The following CLASP1 variants were observed in gnomAD, a reference collection of about 807,000 sequenced individuals.
The protein encoded by CLASP1 is cytoplasmic linker associated protein 1.
A neutral mutation model predicts 192.3 loss-of-function variants in CLASP1; 38 were observed. The ratio of observed to expected loss-of-function variants is 0.20; its 90% CI spans 0.15 to 0.26. CLASP1 has a LOEUF of 0.26. Among genes scored for constraint, CLASP1 ranks in the 10% least tolerant of loss-of-function variants. The pLI is 1.00. For missense variants in CLASP1, 1,433 were observed against 1,932.5 expected (o/e 0.74, Z 4.85); for synonymous variants, 691 against 712.8 (o/e 0.97, Z 0.49).
intron 32 of CLASP1, among the ~76,000 whole-genome samples, chr2:121,386,081 T>C (rs1007128334): frequency 1.3e-5 from 2 of 152,212 alleles, no homozygotes; most frequent in Non-Finnish European, 1.5e-5. Flanking sequence ...ACAAATTTCT[T>C]ATGTTCCAAA....
At chr2:121,623,480 G>C (rs2067747116) in intron 1 of CLASP1, among the ~76,000 whole-genome samples, 1 of 152,208 alleles carries the variant, frequency 6.6e-6, no homozygotes, top group African/African-American at 2.4e-5. Context: ...AAAGAATACT[G>C]TTCTGTAGTT....
chr2:121,401,732 T>C, intron 27 of CLASP1, 60 bp from the exon 29 acceptor site: 1 of 1,424,534 alleles, frequency 7.0e-7, no homozygotes, highest in South Asian at 1.2e-5. Context: ...CTCCAAAGTC[T>C]ACAAAACATT....
rs548020000 is a variant in CLASP1, at chr2:121,492,503, C to T, written c.712+10664G>A. Among the ~76,000 whole-genome samples the T allele has an allele frequency of 1.8e-4, 27 of 150,472 alleles. No homozygotes were observed. In the South Asian group the frequency reaches 4.4e-3, roughly 25 times the overall value. The stretch of plus-strand genomic sequence containing the variant: ...TTCAACAACAAAAAGATAAACAATT[C>T]GATTTTTAAGTGGACAAAGGATTTG... On this transcript the variant is annotated intron_variant, in intron 8 of 39. Coordinates refer to ENST00000263710, the Ensembl canonical transcript of CLASP1.
intron 2 of CLASP1, among the ~76,000 whole-genome samples, chr2:121,592,946 TA>T (rs1270817852): frequency 1.3e-5 from 2 of 152,172 alleles, no homozygotes; most frequent in African/African-American, 4.8e-5. Flanking sequence ...ACGCCCGGCC[TA>T]ATAACTGTTT....
At chr2:121,596,835 C>T (rs1418644579) in intron 2 of CLASP1, among the ~76,000 whole-genome samples, 1 of 152,228 alleles carries the variant, frequency 6.6e-6, no homozygotes, top group African/African-American at 2.4e-5. Flanking sequence ...CAATTTAGCA[C>T]TGACTTATTT....
intron 26 of CLASP1, among the ~76,000 whole-genome samples, chr2:121,402,200 C>T (rs768140027): frequency 1.3e-5 from 2 of 152,190 alleles, no homozygotes; most frequent in Non-Finnish European, 2.9e-5. Context: ...TATTGTGTAG[C>T]TATTGCTTTT....
chr2:121,429,289 G>A (rs913261667), intron 20 of CLASP1, among the ~76,000 whole-genome samples: 1 of 152,164 alleles, frequency 6.6e-6, no homozygotes, highest in African/African-American at 2.4e-5. Context: ...GCTAGTGAGT[G>A]CTGTGCTGTG....
chr2:121,526,634 T>C (rs1177698458), intron 5 of CLASP1, among the ~76,000 whole-genome samples: 2 of 152,292 alleles, frequency 1.3e-5, no homozygotes, highest in South Asian at 2.1e-4. Context: ...CATATTAAGA[T>C]GGAAAAAATT....
chr2:121,531,458 G>C (rs895061595), intron 2 of CLASP1, among the ~76,000 whole-genome samples: 1 of 151,698 alleles, frequency 6.6e-6, no homozygotes, highest in Non-Finnish European at 1.5e-5. Context: ...AGCCGGGCGA[G>C]GTGGCCGGCG....
chr2:121,466,419 G>C (rs1575131811), intron 9 of CLASP1, among the ~76,000 whole-genome samples: 1 of 152,142 alleles, frequency 6.6e-6, no homozygotes, highest in African/African-American at 2.4e-5. Flanking sequence ...TCAGAATTCA[G>C]GAGAGGCCAT....
chr2:121,368,441 T>C (rs551591288), intron 34 of CLASP1, among the ~76,000 whole-genome samples: 2 of 152,264 alleles, frequency 1.3e-5, no homozygotes, highest in African/African-American at 4.8e-5. Flanking sequence ...CTTTAGTATT[T>C]CCCAAATTTT....
intron 6 of CLASP1, among the ~76,000 whole-genome samples, chr2:121,521,504 C>G (rs1049639590): frequency 1.3e-5 from 2 of 152,128 alleles, no homozygotes; most frequent in African/African-American, 4.8e-5. Flanking sequence ...CTGGCAGATC[C>G]CGGAAACTTC....
chr2:121,610,192 T>G, intron 1 of CLASP1, among the ~76,000 whole-genome samples: 1 of 150,132 alleles, frequency 6.7e-6, no homozygotes, highest in African/African-American at 2.5e-5. Context: ...GGAGGAGGAG[T>G]TACAGGAGGA....
At chr2:121,474,092 C>T (rs1352261128) in intron 8 of CLASP1, among the ~76,000 whole-genome samples, 1 of 152,160 alleles carries the variant, frequency 6.6e-6, no homozygotes, top group Non-Finnish European at 1.5e-5. Context: ...AATTCTTTCA[C>T]ATTATCATTT....
chr2:121,346,221 C>T (rs577567301), intron 39 of CLASP1, among the ~76,000 whole-genome samples: 34 of 152,348 alleles, frequency 2.2e-4, no homozygotes, highest in Admixed American at 5.2e-4. Context: ...CACAGAGATG[C>T]GCTTTCTCCA....
chr2:121,580,234 T>C (rs2060974119), intron 2 of CLASP1, among the ~76,000 whole-genome samples: 1 of 152,256 alleles, frequency 6.6e-6, no homozygotes, highest in African/African-American at 2.4e-5. Context: ...TGCAACTGTA[T>C]ACCTAACAAG....
chr2:121,498,869 T>C (rs1397009735), intron 8 of CLASP1, among the ~76,000 whole-genome samples: 3 of 152,232 alleles, frequency 2.0e-5, no homozygotes, highest in African/African-American at 4.8e-5. Context: ...CACAATGAGA[T>C]ACCACTTTAC....
intron 30 of CLASP1, among the ~76,000 whole-genome samples, chr2:121,391,990 C>T (rs2074435977): frequency 6.6e-6 from 1 of 152,196 alleles, no homozygotes; most frequent in African/African-American, 2.4e-5. Context: ...AGCTTTCAGA[C>T]TAGAGGCATG....
chr2:121,438,510 C>T, intron 19 of CLASP1, among the ~76,000 whole-genome samples: 1 of 152,208 alleles, frequency 6.6e-6, no homozygotes, highest in East Asian at 1.9e-4. Flanking sequence ...CACCTTGGGT[C>T]AGCTCAAGGT....
Sources: gnomAD v4.1 joint callset for allele counts (sites outside exome capture counted in the v4.1 genomes callset) on GRCh38, gnomAD v4.1.1 for gene constraint, MANE v1.5 for transcripts, NCBI Gene and HGNC (gene_info 2026-07-23, HGNC 2026-07-21) for gene names.